The following TPRG1 variants were observed in gnomAD, a reference collection of about 807,000 sequenced individuals.
TPRG1 encodes tumor protein p63-regulated gene 1 protein.
A neutral mutation model predicts 29.3 loss-of-function variants in TPRG1; 29 were observed. That is an observed-to-expected ratio of 0.99 (90% CI 0.74 to 1.35). TPRG1 has a LOEUF of 1.35. Ranked by LOEUF, TPRG1 falls within the 40% of genes most tolerant of loss-of-function variation. The probability of loss-of-function intolerance (pLI) is 0.00; values close to 1 mark genes in which losing one functional copy is unlikely to be tolerated. For missense variants in TPRG1, 327 were observed against 335.0 expected (o/e 0.98, Z 0.19); for synonymous variants, 130 against 116.8 (o/e 1.11, Z -0.73).
At chr3:189,187,478 ATTT>A (rs71763137) in intron 1 of TPRG1, among the ~76,000 whole-genome samples, 1 of 147,054 alleles carries the variant, frequency 6.8e-6, no homozygotes, top group Non-Finnish European at 1.5e-5. Context: ...GCTGATTTTT[ATTT>A]TTTTTTTTTG....
chr3:189,315,578 A>G (rs1005176139), intron 5 of TPRG1: 13 of 443,978 alleles, frequency 2.9e-5, no homozygotes, highest in East Asian at 7.1e-5. Context: ...CCCTACAACC[A>G]TCATGATCTA....
intron 3 of TPRG1, among the ~76,000 whole-genome samples, chr3:189,223,363 A>AG (rs1737221636): frequency 6.6e-6 from 1 of 152,208 alleles, no homozygotes. Context: ...TCAAGATGTT[A>AG]ATGACCTGTG....
intron 4 of TPRG1, among the ~76,000 whole-genome samples, chr3:189,244,731 G>T (rs1482209865): frequency 6.6e-6 from 1 of 151,908 alleles, no homozygotes; most frequent in African/African-American, 2.4e-5. Flanking sequence ...CCAACACTGG[G>T]GATTACAATT....
intron 4 of TPRG1, among the ~76,000 whole-genome samples, chr3:189,272,947 C>T (rs1479852982): frequency 6.6e-6 from 1 of 152,164 alleles, no homozygotes; most frequent in Non-Finnish European, 1.5e-5. Flanking sequence ...CCATAGATTA[C>T]TAAAGAGTAG....
intron 5 of TPRG1, chr3:189,313,230 T>C (rs967743199): frequency 1.3e-5 from 2 of 152,198 alleles, no homozygotes; most frequent in African/African-American, 4.8e-5. Context: ...TGTTGGTTTT[T>C]ATGTCACAAT....
At chr3:189,187,466 C>T (rs1007828076) in intron 1 of TPRG1, among the ~76,000 whole-genome samples, 7 of 127,204 alleles carry the variant, frequency 5.5e-5, no homozygotes, top group Non-Finnish European at 1.1e-4. Flanking sequence ...CCACCACGCT[C>T]AGCTGATTTT....
At chr3:189,191,121 C>A in intron 1 of TPRG1, 15 of 214,942 alleles carry the variant, frequency 7.0e-5, no homozygotes, top group Middle Eastern at 2.3e-3. Context: ...TATTTATACA[C>A]ATATGGTCAT....
At chr3:189,166,951 CT>C (rs1324808499) in intron 5 of TPRG1, among the ~76,000 whole-genome samples, 1 of 152,172 alleles carries the variant, frequency 6.6e-6, no homozygotes, top group Non-Finnish European at 1.5e-5. Flanking sequence ...ACTTCTTCCC[CT>C]GTGGACCCCA....
rs112538700 is a variant in TPRG1 at position 189,289,404 on chromosome 3, G to GTT, written c.480-20970_480-20969dup. ...CTACTGTCATGATCTTACTTTGGGT[G>GTT]TTTTTTTTTTTTTCTCTTGCTTCAA... On this transcript the variant is annotated intron_variant, in intron 4 of 5. Transcript: ENST00000345063. 7.7e-4 allele frequency among the ~76,000 whole-genome samples: 110 copies of GTT among 141,942 alleles called. 2 individuals carry two copies. The South Asian group carries it at 0.02, about 26-fold the overall frequency. 93.1% of individuals were successfully genotyped at this position (141,942 alleles called of 152,430 possible).
rs60377304 is a variant in TPRG1, at chr3:189,057,837, T to TGTATGTGTGTATATATATACACACATAC, written c.-463+33911_-463+33938dup. Among the ~76,000 whole-genome samples, 177 of 140,070 alleles carry TGTATGTGTGTATATATATACACACATAC rather than the reference T, an allele frequency of 1.3e-3. 1 individual carries two copies. Among genetic ancestry groups the TGTATGTGTGTATATATATACACACATAC allele is most frequent in the African/African-American group, 2.2e-3 (81 of 37,442 alleles). The allele number at this position is 140,070 out of a possible 152,430, so 91.9% of individuals were successfully genotyped here. A position where few individuals can be genotyped will look rare whatever the true frequency, so the allele number is the denominator to read the frequency against. On this transcript the variant is annotated intron_variant, in intron 4 of 10. Transcript: ENST00000433971. ...ATGTGTGTATATATATACACACATA[T>TGTATGTGTGTATATATATACACACATAC]GTATGTGTGTATATATATACACACA...
chr3:189,185,198 C>A (rs1210750744), intron 1 of TPRG1, among the ~76,000 whole-genome samples: 1 of 151,978 alleles, frequency 6.6e-6, no homozygotes. Context: ...TATCTGTCAC[C>A]TTTGAAGGTG....
At chr3:189,308,044 G>A (rs1014261638) in intron 4 of TPRG1, among the ~76,000 whole-genome samples, 3 of 152,078 alleles carry the variant, frequency 2.0e-5, no homozygotes, top group Non-Finnish European at 4.4e-5. Flanking sequence ...CCAGATGATC[G>A]TTACTGGCAT....
intron 4 of TPRG1, among the ~76,000 whole-genome samples, chr3:189,068,051 A>G (rs1018575426): frequency 6.6e-6 from 1 of 152,228 alleles, no homozygotes; most frequent in Non-Finnish European, 1.5e-5. Context: ...ACAAATGGCC[A>G]ACAGGTATAT....
chr3:189,194,881 A>G (rs1732276072), intron 1 of TPRG1, among the ~76,000 whole-genome samples: 1 of 152,158 alleles, frequency 6.6e-6, no homozygotes, highest in Non-Finnish European at 1.5e-5. Context: ...GGCTGGGGAC[A>G]GCACAGTGAT....
intron 4 of TPRG1, among the ~76,000 whole-genome samples, chr3:189,293,081 G>T (rs1719289938): frequency 6.6e-6 from 1 of 152,148 alleles, no homozygotes; most frequent in East Asian, 1.9e-4. Flanking sequence ...TGTCTAATTG[G>T]TTTATGTCAT....
At chr3:189,263,666 C>T (rs1245138343) in intron 4 of TPRG1, among the ~76,000 whole-genome samples, 1 of 152,186 alleles carries the variant, frequency 6.6e-6, no homozygotes, top group East Asian at 1.9e-4. Context: ...GCCCACTTAT[C>T]TCTCAGGATA....
intron 1 of TPRG1, among the ~76,000 whole-genome samples, chr3:189,117,955 A>G (rs952801017): frequency 9.2e-5 from 14 of 152,212 alleles, no homozygotes; most frequent in Non-Finnish European, 1.9e-4. Flanking sequence ...GAAAACGTGG[A>G]AGTGACTTTG....
chr3:189,290,396 C>T (rs915030949), intron 4 of TPRG1, among the ~76,000 whole-genome samples: 5 of 152,182 alleles, frequency 3.3e-5, no homozygotes, highest in Admixed American at 3.3e-4. Context: ...TCTTAAAGCC[C>T]ACATTTCAGC....
At chr3:189,268,427 G>A (rs1937745854) in intron 4 of TPRG1, among the ~76,000 whole-genome samples, 1 of 152,078 alleles carries the variant, frequency 6.6e-6, no homozygotes, top group Non-Finnish European at 1.5e-5. Flanking sequence ...GATTGGACAG[G>A]GCCACTCCCC....
Sources: allele counts gnomAD v4.1 joint callset (sites outside exome capture counted in the v4.1 genomes callset), GRCh38; gene constraint gnomAD v4.1.1; transcripts MANE v1.5; gene names NCBI Gene and HGNC (gene_info 2026-07-23, HGNC 2026-07-21).